Variants in PRKACB observed in about 807,000 individuals in gnomAD.
PRKACB encodes the protein protein kinase cAMP-activated catalytic subunit beta.
Under a neutral mutation model 51.4 loss-of-function variants are expected in PRKACB, and 16 were observed. The ratio of observed to expected loss-of-function variants is 0.31; its 90% CI spans 0.21 to 0.47. The LOEUF is 0.47. PRKACB is among the 20% of genes least tolerant of loss of function. The pLI is 1.00. For synonymous variants in PRKACB, 147 were observed against 154.4 expected (o/e 0.95, Z 0.35); for missense variants, 309 against 464.5 (o/e 0.67, Z 3.08).
At chr1:84,104,149 T>A (rs908267266) in intron 1 of PRKACB, among the ~76,000 whole-genome samples, 5 of 152,188 alleles carry the variant, frequency 3.3e-5, no homozygotes, top group African/African-American at 1.2e-4. Context: ...TCTTCCCAAC[T>A]TTTAATAACC....
rs769500443 is a variant in PRKACB at position 84,182,297 on chromosome 1, A to G, written c.347A>G (p.Tyr116Cys). The change falls in exon 3 of 10, where the codon TAT becomes TGT. Residue 116 changes from tyrosine to cysteine, a missense_variant. Physicochemically the swap from Tyr to Cys is radical, Grantham distance 194. This residue lies in a region of PRKACB where 153 missense variants were observed against 190.2 expected (regional missense o/e 0.80). Coordinates refer to ENST00000370685, the MANE Select transcript of PRKACB (RefSeq NM_182948.4). Reference protein sequence around the residue: ...MLVKHKATEQYYAMKILDKQK... With the variant: ...MLVKHKATEQCYAMKILDKQK... ...GTAAAACACAAAGCCACTGAACAGT[A>G]TTATGCCATGAAGATCTTAGATAAG... is the stretch of plus-strand genomic sequence containing the variant. 1.3e-6 allele frequency: 2 copies of G among 1,588,628 alleles called. No individual in the cohort carries two copies. The highest frequency in any genetic ancestry group is 2.3e-5 in the South Asian group (2 of 85,228).
At chr1:84,092,963 G>A (rs2100778635) in intron 1 of PRKACB, among the ~76,000 whole-genome samples, 1 of 150,340 alleles carries the variant, frequency 6.7e-6, no homozygotes, top group South Asian at 2.1e-4. Flanking sequence ...TTGATTTGTA[G>A]AGTTATTTAA....
chr1:84,221,822 G>A (rs1673766429), intron 9 of PRKACB, among the ~76,000 whole-genome samples: 1 of 152,042 alleles, frequency 6.6e-6, no homozygotes, highest in African/African-American at 2.4e-5. Context: ...AAAATTTGTT[G>A]AGACTTGTTT....
Position 84,184,107 on chromosome 1 carries a change from T to C in PRKACB, c.449T>C (p.Phe150Ser), listed in dbSNP as rs747598716. ...ATATTACAGGCAGTGAATTTTCCTT[T>C]CCTTGTTCGACTGGAGTATGCTTTT... ...KRILQAVNFP[F>S]LVRLEYAFKD... Residue 150 changes from phenylalanine to serine, a missense_variant, in exon 4 of 10, where the codon TTC becomes TCC. By Grantham distance (155) the Phe-to-Ser change is radical. Coordinates refer to ENST00000370685, the MANE Select transcript of PRKACB (RefSeq NM_182948.4). The C allele has an allele frequency of 1.2e-6, 2 of 1,605,090 alleles. No homozygotes were observed. The highest frequency in any genetic ancestry group is 3.4e-5 in the Admixed American group (2 of 59,352).
intron 8 of PRKACB, chr1:84,204,757 T>C: frequency 1.3e-6 from 1 of 741,330 alleles, no homozygotes; most frequent in Admixed American, 1.1e-4. Flanking sequence ...TTTATTTATA[T>C]TCATATAAGA....
At chr1:84,216,473 ACT>A (rs1416121176) in intron 9 of PRKACB, among the ~76,000 whole-genome samples, 1 of 152,064 alleles carries the variant, frequency 6.6e-6, no homozygotes, top group Admixed American at 6.6e-5. Flanking sequence ...GGATCCAGAA[ACT>A]CTCTGTTAAG....
chr1:84,141,174 T>C (rs1042758277), upstream of PRKACB, among the ~76,000 whole-genome samples: 11 of 152,120 alleles, frequency 7.2e-5, no homozygotes, highest in South Asian at 6.2e-4. Flanking sequence ...GATTACTCTC[T>C]AGTTTTAAAA....
intron 8 of PRKACB, among the ~76,000 whole-genome samples, chr1:84,203,950 T>A (rs1670863126): frequency 6.6e-6 from 1 of 152,018 alleles, no homozygotes; most frequent in African/African-American, 2.4e-5. Context: ...CCTTGGCATC[T>A]ATCAACTTAC....
rs3051183 is a variant in PRKACB, at chr1:84,199,832, G to GTTTATTTATTTA, written c.783+2024_783+2035dup. Reference sequence around the variant, plus strand: ...AGCATCTGTTATTTTTTGACTATTTGTTTATTTATTTATTTATTTATTTAT... The same window carrying GTTTATTTATTTA: ...AGCATCTGTTATTTTTTGACTATTTGTTTATTTATTTATTTATTTATTTATTTATTTATTTAT... On this transcript the variant is annotated intron_variant, in intron 7 of 9. Transcript: ENST00000370685. Among the ~76,000 whole-genome samples, 118 of 149,496 alleles carry GTTTATTTATTTA rather than the reference G, an allele frequency of 7.9e-4. 4 individuals carry two copies. Among genetic ancestry groups the GTTTATTTATTTA allele is most frequent in the Middle Eastern group, 7.0e-3 (2 of 284 alleles).
intron 1 of PRKACB, among the ~76,000 whole-genome samples, chr1:84,117,899 A>G (rs533289330): frequency 2.6e-5 from 4 of 152,196 alleles, no homozygotes; most frequent in African/African-American, 9.6e-5. Context: ...TAATCTTTCT[A>G]CTTTTTTGAT....
chr1:84,146,787 C>T (rs567849919), intron 1 of PRKACB, among the ~76,000 whole-genome samples: 18 of 152,086 alleles, frequency 1.2e-4, no homozygotes, highest in Admixed American at 8.5e-4. Context: ...AAGTTTCTTT[C>T]GTGTCCAGTG....
chr1:84,140,988 A>G (rs563950578), upstream of PRKACB, among the ~76,000 whole-genome samples: 4 of 152,270 alleles, frequency 2.6e-5, no homozygotes, highest in African/African-American at 9.6e-5. Flanking sequence ...TTTACAGAGT[A>G]AATCACTTTA....
At chr1:84,190,856 A>G (rs565460143) in intron 5 of PRKACB, among the ~76,000 whole-genome samples, 5 of 152,030 alleles carry the variant, frequency 3.3e-5, no homozygotes, top group Admixed American at 2.6e-4. Flanking sequence ...ATAGACTCCT[A>G]TTCTTTTTTG....
In PRKACB at chr1:84,238,440, C is replaced by T. The variant is rs1676847687; in HGVS notation, c.*3135C>T. 1.3e-5 allele frequency: 2 copies of T among 152,576 alleles called. No individual in the cohort carries two copies. The highest frequency in any genetic ancestry group is 2.9e-5 in the Non-Finnish European group (2 of 67,988). The allele number at this position is 152,576 out of a possible 1,614,324, so 9.5% of individuals were successfully genotyped here. On this transcript the variant is annotated 3_prime_UTR_variant, in exon 10 of 10. Coordinates refer to ENST00000370685, the MANE Select transcript of PRKACB (RefSeq NM_182948.4). ...TGTAGCTAGGAAATGCTGAAAACAA[C>T]TGTGTTTTTTAATTAATCAATAACT...
At chr1:84,095,439 TTCTTTGAAC>T (rs1364536097) in intron 1 of PRKACB, among the ~76,000 whole-genome samples, 1 of 152,034 alleles carries the variant, frequency 6.6e-6, no homozygotes, top group Non-Finnish European at 1.5e-5. Context: ...GAGAATTACT[TTCTTTGAAC>T]ACTTTGAAGA....
At chr1:84,202,139 T>A (rs982471053) in intron 7 of PRKACB, among the ~76,000 whole-genome samples, 2 of 152,100 alleles carry the variant, frequency 1.3e-5, no homozygotes, top group African/African-American at 4.8e-5. Flanking sequence ...ACTTTTTGCT[T>A]TCACAAAATC....
intron 1 of PRKACB, among the ~76,000 whole-genome samples, chr1:84,130,349 C>G (rs1652061609): frequency 6.6e-6 from 1 of 152,136 alleles, no homozygotes; most frequent in Admixed American, 6.5e-5. Context: ...AAACTGCACT[C>G]CTGTGTCAGT....
intron 9 of PRKACB, among the ~76,000 whole-genome samples, chr1:84,214,546 G>T (rs1487844251): frequency 6.9e-6 from 1 of 145,904 alleles, no homozygotes; most frequent in African/African-American, 2.6e-5. Flanking sequence ...ACGCTGGAGT[G>T]CAGTGGCACA....
At chr1:84,207,148 T>G (rs1035935815) in intron 8 of PRKACB, among the ~76,000 whole-genome samples, 7 of 152,200 alleles carry the variant, frequency 4.6e-5, no homozygotes, top group African/African-American at 1.7e-4. Flanking sequence ...TTTAAAATTC[T>G]TATTAATACC....
Sources: gnomAD v4.1 joint callset for allele counts (sites outside exome capture counted in the v4.1 genomes callset) on GRCh38, gnomAD v4.1.1 for gene constraint, gnomAD v4.1.1 regional missense constraint, MANE v1.5 for transcripts, NCBI Gene and HGNC (gene_info 2026-07-23, HGNC 2026-07-21) for gene names.